PLXDC2: variants seen among roughly 807,000 people sequenced by gnomAD.
PLXDC2 encodes the protein plexin domain-containing protein 2.
A neutral mutation model predicts 68.9 loss-of-function variants in PLXDC2; 40 were observed. That is an observed-to-expected ratio of 0.58 (90% CI 0.45 to 0.76). The LOEUF (loss-of-function observed/expected upper bound fraction) is 0.76, where lower values mean the gene tolerates loss of function less well. Among genes scored for constraint, PLXDC2 ranks in the 30% least tolerant of loss-of-function variants. The pLI is 0.00. For synonymous variants in PLXDC2, 243 were observed against 234.2 expected (o/e 1.04, Z -0.34); for missense variants, 644 against 661.9 (o/e 0.97, Z 0.30).
chr10:20,177,577 C>A (rs1345772736), intron 9 of PLXDC2, among the ~76,000 whole-genome samples, 168 bp downstream of exon 9: 1 of 151,978 alleles, frequency 6.6e-6, no homozygotes, highest in African/African-American at 2.4e-5. Flanking sequence ...TCAGCCTGGG[C>A]AACATAGCAA....
chr10:20,146,488 TTTCCTTCCTTCC>T (rs34150409), intron 5 of PLXDC2, among the ~76,000 whole-genome samples: 18 of 81,412 alleles, frequency 2.2e-4, no homozygotes, highest in African/African-American at 7.4e-4. Context: ...TTCTTTTCTT[TTTCCTTCCTTCC>T]TTCCTTCCTT....
chr10:19,865,451 G>A (rs895634026), intron 1 of PLXDC2, among the ~76,000 whole-genome samples: 2 of 152,136 alleles, frequency 1.3e-5, no homozygotes, highest in Non-Finnish European at 2.9e-5. Context: ...TACTGTACTC[G>A]AGGTTCTGCC....
chr10:20,063,938 C>A (rs530246075), intron 3 of PLXDC2, among the ~76,000 whole-genome samples: 1 of 152,242 alleles, frequency 6.6e-6, no homozygotes, highest in African/African-American at 2.4e-5. Context: ...AGTTACCATT[C>A]CCCCTTCTTT....
intron 1 of PLXDC2, among the ~76,000 whole-genome samples, chr10:19,983,469 C>G (rs1431190562): frequency 6.6e-6 from 1 of 152,092 alleles, no homozygotes; most frequent in Non-Finnish European, 1.5e-5. Context: ...TTTTGGAAGT[C>G]AAGTCAGGTG....
intron 2 of PLXDC2, among the ~76,000 whole-genome samples, chr10:20,034,827 A>G (rs1447252385): frequency 6.6e-6 from 1 of 152,222 alleles, no homozygotes; most frequent in Non-Finnish European, 1.5e-5. Flanking sequence ...AGATTTCAGT[A>G]CAGTAACCAG....
intron 13 of PLXDC2, among the ~76,000 whole-genome samples, chr10:20,250,113 CA>C (rs1230837466): frequency 6.6e-6 from 1 of 151,806 alleles, no homozygotes; most frequent in Non-Finnish European, 1.5e-5. Flanking sequence ...ACTAAAAATA[CA>C]AAAATTAGCC....
At chr10:19,966,816 T>C (rs1318137790) in intron 1 of PLXDC2, among the ~76,000 whole-genome samples, 1 of 152,052 alleles carries the variant, frequency 6.6e-6, no homozygotes, top group Non-Finnish European at 1.5e-5. Context: ...CCATTTTTTT[T>C]TTCCCCCAGC....
intron 1 of PLXDC2, among the ~76,000 whole-genome samples, chr10:19,965,451 A>G (rs1834232190): frequency 6.6e-6 from 1 of 152,170 alleles, no homozygotes; most frequent in Non-Finnish European, 1.5e-5. Context: ...GCTTTTGCCA[A>G]AGAAATCACC....
At chr10:20,262,348 C>G (rs1835818216) in intron 13 of PLXDC2, among the ~76,000 whole-genome samples, 1 of 152,186 alleles carries the variant, frequency 6.6e-6, no homozygotes, top group African/African-American at 2.4e-5. Flanking sequence ...CTTTTGTTAT[C>G]TGAAGTTTCA....
intron 7 of PLXDC2, among the ~76,000 whole-genome samples, chr10:20,174,176 G>A (rs943916172): frequency 3.9e-5 from 6 of 151,958 alleles, no homozygotes; most frequent in Non-Finnish European, 5.9e-5. Flanking sequence ...GTGATCTTAT[G>A]GAAAGGCCAC....
intron 6 of PLXDC2, among the ~76,000 whole-genome samples, chr10:20,155,714 C>T (rs1834207922): frequency 6.6e-6 from 1 of 151,924 alleles, no homozygotes; most frequent in African/African-American, 2.4e-5. Flanking sequence ...TATAGAAGTG[C>T]CTGACATTTT....
intron 12 of PLXDC2, among the ~76,000 whole-genome samples, chr10:20,223,959 A>G (rs1835252060): frequency 6.9e-6 from 1 of 143,946 alleles, no homozygotes; most frequent in African/African-American, 2.7e-5. Context: ...AGGTACCTAA[A>G]ATCCTAGAAT....
intron 1 of PLXDC2, among the ~76,000 whole-genome samples, chr10:19,887,437 G>A (rs1036314636): frequency 5.9e-5 from 9 of 152,088 alleles, no homozygotes; most frequent in Admixed American, 5.9e-4. Context: ...CAGGAGAATC[G>A]CTTGAACCCA....
chr10:20,232,943 C>G (rs948884011), intron 12 of PLXDC2, among the ~76,000 whole-genome samples: 18 of 152,040 alleles, frequency 1.2e-4, no homozygotes, highest in African/African-American at 3.9e-4. Flanking sequence ...TTTTCATAAA[C>G]TAGGCATAGT....
chr10:20,046,798 T>C, intron 2 of PLXDC2, 71 bp from the exon 3 acceptor site: 5 of 1,445,888 alleles, frequency 3.5e-6, no homozygotes, highest in South Asian at 1.4e-5. Context: ...TTGAGTTCAA[T>C]AGGATTTTTT....
intron 2 of PLXDC2, among the ~76,000 whole-genome samples, chr10:20,004,986 A>C (rs1167099652): frequency 6.6e-6 from 1 of 152,130 alleles, no homozygotes; most frequent in Non-Finnish European, 1.5e-5. Context: ...GCAGCCTTGA[A>C]AGATTTGTGT....
At position 20,068,312 on chromosome 10, in the gene PLXDC2, A is replaced by G. The variant is rs185771978; in HGVS notation, c.541+73A>G. Reference sequence around the variant, plus strand: ...GCAGTTATTATTTTTAAGTTACTCTATATTTCAAGATGGATATTTATTGAG... The same window carrying G: ...GCAGTTATTATTTTTAAGTTACTCTGTATTTCAAGATGGATATTTATTGAG... On this transcript the variant is annotated intron_variant, in intron 4 of 13. Transcript: ENST00000377252. 2.5e-4 allele frequency: 299 copies of G among 1,178,846 alleles called. 1 individual carries two copies. In the African/African-American group the frequency reaches 3.9e-3, roughly 15 times the overall value. 73.0% of individuals were successfully genotyped at this position (1,178,846 alleles called of 1,614,324 possible).
At chr10:19,820,274 A>G (rs1836438848) in intron 1 of PLXDC2, among the ~76,000 whole-genome samples, 1 of 152,206 alleles carries the variant, frequency 6.6e-6, no homozygotes, top group Non-Finnish European at 1.5e-5. Flanking sequence ...ATAATGAAAG[A>G]TAATAATTTT....
intron 1 of PLXDC2, among the ~76,000 whole-genome samples, chr10:19,923,418 A>G (rs1027251122): frequency 2.6e-5 from 4 of 152,234 alleles, no homozygotes; most frequent in African/African-American, 9.6e-5. Flanking sequence ...TCAAAGAGTT[A>G]TGTAAGAGTA....
Sources: gnomAD v4.1 joint callset for allele counts (sites outside exome capture counted in the v4.1 genomes callset) on GRCh38, gnomAD v4.1.1 for gene constraint, MANE v1.5 for transcripts, NCBI Gene and HGNC (gene_info 2026-07-23, HGNC 2026-07-21) for gene names.